The following EXOC4 variants were observed in gnomAD, a reference collection of about 807,000 sequenced individuals.
EXOC4 encodes SEC8-like 1.
Under a neutral mutation model 107.2 loss-of-function variants are expected in EXOC4, and 71 were observed. The observed-to-expected ratio is 0.66, with a 90% CI of 0.55 to 0.81. The LOEUF is 0.81. Among genes scored for constraint, EXOC4 ranks in the 30% least tolerant of loss-of-function variants. The pLI, the probability that EXOC4 is intolerant of heterozygous loss-of-function variation, is 0.00. For synonymous variants in EXOC4, 456 were observed against 441.2 expected, an observed-to-expected ratio of 1.03 and a Z score of -0.42; for missense variants, 1,108 against 1,189.6, an observed-to-expected ratio of 0.93 and a Z score of 1.01.
At chr7:133,718,738 C>T (rs1795046902) in intron 10 of EXOC4, among the ~76,000 whole-genome samples, 1 of 152,060 alleles carries the variant, frequency 6.6e-6, no homozygotes. Flanking sequence ...ATAAAATAGC[C>T]ATGTAACACA....
intron 10 of EXOC4, among the ~76,000 whole-genome samples, chr7:133,764,201 C>A (rs1796090629): frequency 6.6e-6 from 1 of 151,976 alleles, no homozygotes; most frequent in African/African-American, 2.4e-5. Context: ...TCCTGCAGCC[C>A]ACATTCCCGT....
chr7:134,088,272 T>C, the EXOC4 span, among the ~76,000 whole-genome samples: 2 of 152,222 alleles, frequency 1.3e-5, no homozygotes, highest in Non-Finnish European at 2.9e-5. Context: ...AATTATGTCC[T>C]GTTACAAAAG....
intron 10 of EXOC4, among the ~76,000 whole-genome samples, chr7:133,750,586 C>CG (rs1554396425): frequency 3.5e-5 from 5 of 144,906 alleles, no homozygotes; most frequent in African/African-American, 1.3e-4. Context: ...TGTTTTTAAC[C>CG]TTTTTTTTTT....
chr7:133,425,692 G>A (rs970545766), intron 7 of EXOC4, among the ~76,000 whole-genome samples: 1 of 152,138 alleles, frequency 6.6e-6, no homozygotes, highest in African/African-American at 2.4e-5. Context: ...CATCAACACA[G>A]ACTTTAAGTC....
At chr7:133,976,688 G>A (rs139846453) in intron 14 of EXOC4, among the ~76,000 whole-genome samples, 1 of 152,282 alleles carries the variant, frequency 6.6e-6, no homozygotes, top group East Asian at 1.9e-4. Flanking sequence ...GAAGAAACAC[G>A]GGCACTATGC....
chr7:133,517,444 A>G (rs1563094148), intron 9 of EXOC4, among the ~76,000 whole-genome samples: 1 of 152,226 alleles, frequency 6.6e-6, no homozygotes, highest in South Asian at 2.1e-4. Flanking sequence ...GTATTAGCTC[A>G]TTTTCATGCC....
At chr7:133,481,968 C>T (rs1474540158) in intron 9 of EXOC4, among the ~76,000 whole-genome samples, 5 of 152,232 alleles carry the variant, frequency 3.3e-5, no homozygotes, top group African/African-American at 7.2e-5. Context: ...GGATTGTGCT[C>T]GAACTGCCCT....
At chr7:134,044,064 C>T (rs1159337687) in intron 17 of EXOC4, among the ~76,000 whole-genome samples, 1 of 152,196 alleles carries the variant, frequency 6.6e-6, no homozygotes, top group African/African-American at 2.4e-5. Flanking sequence ...CTATTTCTGA[C>T]TCATGGATAA....
Position 133,253,082 on chromosome 7 carries a change from C to G in EXOC4, c.-20C>G, listed in dbSNP as rs557864253. The G allele has an allele frequency of 5.6e-6, 9 of 1,612,434 alleles. No individual in the cohort carries two copies. In the South Asian group the frequency reaches 9.9e-5, roughly 18 times the overall value. On this transcript the variant is annotated 5_prime_UTR_variant, in exon 1 of 18. Coordinates refer to ENST00000253861, the MANE Select transcript of EXOC4 (RefSeq NM_021807.4). ...CACCCTTGGCTTCCTTGGAGCCTAG[C>G]GGCTCTCCCCGCGTCCAAGATGGCG... is the stretch of plus-strand genomic sequence containing the variant.
At chr7:133,865,763 C>T (rs753804739) in intron 11 of EXOC4, among the ~76,000 whole-genome samples, 1 of 152,084 alleles carries the variant, frequency 6.6e-6, no homozygotes, top group Admixed American at 6.6e-5. Context: ...TTTAAACAAC[C>T]AGATCTTGTG....
chr7:133,691,323 A>G (rs1463992923), intron 10 of EXOC4, among the ~76,000 whole-genome samples: 1 of 152,202 alleles, frequency 6.6e-6, no homozygotes, highest in African/African-American at 2.4e-5. Context: ...GCACATAGAT[A>G]TACCTCATTT....
At chr7:133,916,550 T>C (rs1244652675) in intron 12 of EXOC4, among the ~76,000 whole-genome samples, 4 of 152,216 alleles carry the variant, frequency 2.6e-5, no homozygotes, top group Admixed American at 2.0e-4. Context: ...GTCATAGATG[T>C]GAACCACTGC....
the EXOC4 span, among the ~76,000 whole-genome samples, chr7:134,075,613 C>T: frequency 6.6e-6 from 1 of 152,158 alleles, no homozygotes; most frequent in Non-Finnish European, 1.5e-5. Flanking sequence ...TCAGTCATCT[C>T]CTACTGGGTC....
intron 10 of EXOC4, among the ~76,000 whole-genome samples, chr7:133,679,664 TA>T (rs1484508153): frequency 6.6e-6 from 1 of 152,192 alleles, no homozygotes; most frequent in African/African-American, 2.4e-5. Flanking sequence ...CTTTTCCTCA[TA>T]AAGTGGTATG....
chr7:133,558,803 A>AT (rs1800753334), intron 9 of EXOC4, among the ~76,000 whole-genome samples: 1 of 152,218 alleles, frequency 6.6e-6, no homozygotes, highest in African/African-American at 2.4e-5. Context: ...TTTGCTCAGA[A>AT]GAGAAATGCT....
intron 17 of EXOC4, among the ~76,000 whole-genome samples, chr7:134,056,697 A>G (rs185814323): frequency 6.6e-6 from 1 of 152,354 alleles, no homozygotes; most frequent in East Asian, 1.9e-4. Context: ...CTGATGTAGC[A>G]GAGAGTGACA....
intron 7 of EXOC4, among the ~76,000 whole-genome samples, chr7:133,457,675 G>A (rs971596399): frequency 7.2e-5 from 11 of 152,096 alleles, no homozygotes; most frequent in African/African-American, 2.2e-4. Flanking sequence ...GGACTCTGCC[G>A]GAAGGACTTC....
Position 133,841,409 on chromosome 7 carries a change from A to G in EXOC4, c.1734+23865A>G, listed in dbSNP as rs1429406191. ...AGGAGCTGGGAAGCCAGAGTCTACC[A>G]TGGTTCCCAGGTTTTTTAATTTGTT... On this transcript the variant is annotated intron_variant, in intron 11 of 17. Coordinates refer to ENST00000253861, the MANE Select transcript of EXOC4 (RefSeq NM_021807.4). Among the ~76,000 whole-genome samples the G allele has an allele frequency of 2.6e-5, 4 of 152,290 alleles. No individual in the cohort carries two copies. In the Middle Eastern group the frequency reaches 0.01, roughly 388 times the overall value.
rs141753800 is a variant in EXOC4, at chr7:133,895,725, G to A, written c.1861G>A (p.Ala621Thr). Residue 621 changes from alanine (A) to threonine (T), a missense_variant, in exon 12 of 18, where the codon GCA becomes ACA. Transcript: ENST00000253861. ...CCAGGAGTACAAGGACACCTGCACT[G>A]CAGCTTACAGGTAGAGCTTCTGTTA... ...KLQEYKDTCT[A>T]AYRGIVQSEE... 68 of 1,613,678 alleles carry A rather than the reference G, an allele frequency of 4.2e-5. No individual in the cohort carries two copies. The highest frequency in any genetic ancestry group is 5.6e-5 in the Non-Finnish European group (66 of 1,179,842).
Sources: gnomAD v4.1 joint callset for allele counts (sites outside exome capture counted in the v4.1 genomes callset) on GRCh38, gnomAD v4.1.1 for gene constraint, MANE v1.5 for transcripts, NCBI Gene and HGNC (gene_info 2026-07-23, HGNC 2026-07-21) for gene names.